The following PDE2A variants were observed in gnomAD, a reference collection of about 807,000 sequenced individuals.
The protein encoded by PDE2A is cGMP-dependent 3',5'-cyclic phosphodiesterase.
In PDE2A, 53 loss-of-function variants were observed where a neutral mutation model predicts 133.6. The observed-to-expected ratio is 0.40, with a 90% confidence interval of 0.32 to 0.50. PDE2A has a LOEUF of 0.50. Ranked by LOEUF, PDE2A falls within the 20% of genes least tolerant of loss-of-function variation. The probability of loss-of-function intolerance (pLI) is 0.73; values close to 1 mark genes in which losing one functional copy is unlikely to be tolerated. For missense variants in PDE2A, 796 were observed against 1,232.4 expected (o/e 0.65, Z 5.30); for synonymous variants, 491 against 490.2 (o/e 1.00, Z -0.02).
chr11:72,615,168 C>A, intron 2 of PDE2A: 1 of 451,546 alleles, frequency 2.2e-6, no homozygotes, highest in Non-Finnish European at 5.0e-6. Flanking sequence ...GTGTCCCCAT[C>A]CACAGGAGCC....
At chr11:72,639,934 C>A (rs893692313) in intron 2 of PDE2A, among the ~76,000 whole-genome samples, 1 of 152,028 alleles carries the variant, frequency 6.6e-6, no homozygotes, top group Non-Finnish European at 1.5e-5. Flanking sequence ...ATATTCCACA[C>A]GCCCCAAATG....
intron 1 of PDE2A, among the ~76,000 whole-genome samples, chr11:72,670,879 T>C (rs962452604): frequency 6.6e-6 from 1 of 152,138 alleles, no homozygotes; most frequent in African/African-American, 2.4e-5. Context: ...ATGAACATCC[T>C]ATGTCCGGGG....
intron 2 of PDE2A, among the ~76,000 whole-genome samples, chr11:72,620,267 C>T (rs1271690031): frequency 6.6e-6 from 1 of 152,152 alleles, no homozygotes; most frequent in Non-Finnish European, 1.5e-5. Flanking sequence ...TACCCCTCCT[C>T]ACTTCCCTGG....
chr11:72,617,710 A>G (rs1327981764), intron 2 of PDE2A, among the ~76,000 whole-genome samples: 1 of 152,132 alleles, frequency 6.6e-6, no homozygotes, highest in Admixed American at 6.5e-5. Flanking sequence ...AGGGAACCCC[A>G]GGGACAGGCG....
intron 2 of PDE2A, among the ~76,000 whole-genome samples, chr11:72,640,143 CA>C (rs946594822): frequency 8.6e-5 from 13 of 151,982 alleles, no homozygotes; most frequent in Non-Finnish European, 1.5e-4. Context: ...CCAGCTCACA[CA>C]CCCTCACTTC....
intron 19 of PDE2A, 37 bp downstream of exon 19, chr11:72,584,164 C>CCCT: frequency 3.4e-6 from 3 of 878,390 alleles, no homozygotes; most frequent in South Asian, 1.4e-5. Context: ...GCCCCGCCCC[C>CCCT]TATCACCCCA....
At chr11:72,620,601 G>T (rs949928312) in intron 2 of PDE2A, among the ~76,000 whole-genome samples, 1 of 152,154 alleles carries the variant, frequency 6.6e-6, no homozygotes, top group Non-Finnish European at 1.5e-5. Flanking sequence ...GGTCCCAAAA[G>T]ACAGGCACTT....
At chr11:72,623,782 TTC>T (rs1344519516) in intron 2 of PDE2A, among the ~76,000 whole-genome samples, 1 of 152,114 alleles carries the variant, frequency 6.6e-6, no homozygotes, top group African/African-American at 2.4e-5. Context: ...GTTCTGTCAT[TTC>T]TGTTTTCAAA....
At chr11:72,670,407 C>T (rs891133034) in intron 1 of PDE2A, among the ~76,000 whole-genome samples, 3 of 152,130 alleles carry the variant, frequency 2.0e-5, no homozygotes, top group Admixed American at 6.5e-5. Context: ...GATGACTTCA[C>T]TCACTCACCT....
intron 2 of PDE2A, among the ~76,000 whole-genome samples, chr11:72,619,053 C>T (rs1028178303): frequency 1.7e-4 from 16 of 96,128 alleles, no homozygotes; most frequent in African/African-American, 6.4e-4. Flanking sequence ...ACAGCGTGCG[C>T]ACACACACAC....
chr11:72,584,176 AC>A, intron 19 of PDE2A, 24 bp downstream of exon 19: 2 of 787,126 alleles, frequency 2.5e-6, no homozygotes, highest in Non-Finnish European at 4.1e-6. Context: ...ATCACCCCAC[AC>A]CCCACTCCCA....
Position 72,583,423 on chromosome 11 carries a change from C to T in PDE2A, c.1728+15G>A, listed in dbSNP as rs950872058. 1.3e-6 allele frequency: 2 copies of T among 1,583,474 alleles called. No homozygotes were observed. Among genetic ancestry groups the T allele is most frequent in the Non-Finnish European group, 1.7e-6 (2 of 1,152,388 alleles). ...GGAATCTGGGAGGAGGACCAGAGGT[C>T]TCTGCAAGCCTCACCTTCATGTGGT... On this transcript the variant is annotated intron_variant, in intron 20 of 30. Coordinates refer to ENST00000334456, the MANE Select transcript of PDE2A (RefSeq NM_002599.5).
intron 2 of PDE2A, among the ~76,000 whole-genome samples, chr11:72,626,207 G>A (rs1480641061): frequency 6.6e-6 from 1 of 152,254 alleles, no homozygotes; most frequent in Non-Finnish European, 1.5e-5. Context: ...TTGATGGCAG[G>A]ACCTGCGATG....
At chr11:72,643,244 G>C (rs1859034780) in intron 1 of PDE2A, 2 of 152,238 alleles carry the variant, frequency 1.3e-5, no homozygotes, top group Admixed American at 1.3e-4. Flanking sequence ...CTCAGTTGCC[G>C]GCTGCCCGGA....
At chr11:72,594,582 G>T (rs1053965846) in intron 6 of PDE2A, among the ~76,000 whole-genome samples, 1 of 152,084 alleles carries the variant, frequency 6.6e-6, no homozygotes, top group East Asian at 1.9e-4. Flanking sequence ...GTGAAGGGAC[G>T]GTTGTTGAAA....
chr11:72,612,963 G>A (rs1180147591), intron 2 of PDE2A, among the ~76,000 whole-genome samples: 3 of 152,342 alleles, frequency 2.0e-5, no homozygotes, highest in East Asian at 3.9e-4. Context: ...TCTGGGGAGA[G>A]GAGAGGGTCT....
intron 2 of PDE2A, chr11:72,631,185 C>T (rs1042068798): frequency 1.3e-5 from 19 of 1,450,598 alleles, no homozygotes; most frequent in Non-Finnish European, 1.6e-5. Context: ...CAGGCCTTCT[C>T]CCCTTCTCCC....
At chr11:72,622,261 G>A (rs1030240980) in intron 2 of PDE2A, among the ~76,000 whole-genome samples, 5 of 152,314 alleles carry the variant, frequency 3.3e-5, no homozygotes, top group Non-Finnish European at 7.4e-5. Flanking sequence ...TACACTGTCC[G>A]TGGGAATGTA....
At chr11:72,611,094 A>G (rs976777439) in intron 2 of PDE2A, among the ~76,000 whole-genome samples, 3 of 152,196 alleles carry the variant, frequency 2.0e-5, no homozygotes, top group Non-Finnish European at 2.9e-5. Context: ...GGAGCCCACA[A>G]GCTGACTCCT....
Sources: allele counts gnomAD v4.1 joint callset (sites outside exome capture counted in the v4.1 genomes callset), GRCh38; gene constraint gnomAD v4.1.1; transcripts MANE v1.5; gene names NCBI Gene and HGNC (gene_info 2026-07-23, HGNC 2026-07-21).